MIGA1: variants seen among roughly 807,000 people sequenced by gnomAD.
The protein encoded by MIGA1 is mitoguardin 1, also known as family with sequence similarity 73, member A.
MIGA1 carries 58 observed loss-of-function variants against 82.0 expected under a neutral mutation model. That is an observed-to-expected ratio of 0.71 (90% CI 0.57 to 0.88). MIGA1 has a LOEUF of 0.88. MIGA1 is among the 40% of genes least tolerant of loss of function. MIGA1 has a pLI of 0.00. For synonymous variants in MIGA1, 249 were observed against 253.6 expected (o/e 0.98, Z 0.17); for missense variants, 751 against 749.1 (o/e 1.00, Z -0.03).
chr1:77,867,404 A>G (rs1009304412), intron 14 of MIGA1, among the ~76,000 whole-genome samples: 2 of 152,204 alleles, frequency 1.3e-5, no homozygotes, highest in Non-Finnish European at 2.9e-5. Flanking sequence ...AGCTCACTGC[A>G]GCCTCTATAA....
chr1:77,871,975 C>CT lies in MIGA1; in HGVS notation c.1564-1019dup, dbSNP rs143626379. On this transcript the variant is annotated intron_variant, in intron 14 of 15. Transcript: ENST00000370791. The stretch of plus-strand genomic sequence containing the variant: ...TCGTTGCAAAGCTAATATGATTGCC[C>CT]TTTTTTTTTTGAGACAGAGTCTTAC... 3.3e-3 allele frequency among the ~76,000 whole-genome samples: 486 copies of CT among 148,310 alleles called. 1 individual carries two copies. Among genetic ancestry groups the CT allele is most frequent in the Non-Finnish European group, 5.0e-3 (331 of 66,740 alleles).
chr1:77,858,886 C>T (rs1322828452), intron 8 of MIGA1, 52 bp from the exon 9 acceptor site: 1 of 1,005,412 alleles, frequency 9.9e-7, no homozygotes, highest in Non-Finnish European at 1.6e-6. Context: ...CAATTACAGG[C>T]ATGAGCCACT....
chr1:77,797,123 T>C (rs2101734196), intron 2 of MIGA1, among the ~76,000 whole-genome samples: 1 of 152,380 alleles, frequency 6.6e-6, no homozygotes, highest in Non-Finnish European at 1.5e-5. Flanking sequence ...TTTGTCTGAA[T>C]AGTTTGTCCT....
intron 3 of MIGA1, among the ~76,000 whole-genome samples, chr1:77,802,847 G>A (rs569993150): frequency 8.6e-5 from 13 of 152,000 alleles, no homozygotes; most frequent in African/African-American, 3.1e-4. Flanking sequence ...ATGAGTAGAA[G>A]AGGCAGAAGT....
chr1:77,843,585 A>C (rs1490339292), intron 8 of MIGA1, among the ~76,000 whole-genome samples, 178 bp downstream of exon 8: 1 of 152,108 alleles, frequency 6.6e-6, no homozygotes, highest in African/African-American at 2.4e-5. Context: ...AGGAGCTTAC[A>C]CTCTCTTTAA....
At chr1:77,788,246 G>T (rs770979641) in intron 2 of MIGA1, among the ~76,000 whole-genome samples, 1 of 151,940 alleles carries the variant, frequency 6.6e-6, no homozygotes. Flanking sequence ...CAAGTGATCC[G>T]CCTGCCTTGG....
At chr1:77,865,511 T>A (rs1352565195) in intron 13 of MIGA1, among the ~76,000 whole-genome samples, 2 of 152,172 alleles carry the variant, frequency 1.3e-5, no homozygotes, top group Non-Finnish European at 2.9e-5. Context: ...GAGGTTCACT[T>A]GAGCCTTGGA....
At position 77,815,187 on chromosome 1, in the gene MIGA1, C is replaced by A; in HGVS notation, c.851C>A (p.Ala284Asp). 6.2e-7 allele frequency: 1 copy of A among 1,610,312 alleles called. No individual in the cohort carries two copies. Among genetic ancestry groups the A allele is most frequent in the Non-Finnish European group, 8.5e-7 (1 of 1,177,640 alleles). The stretch of plus-strand genomic sequence containing the variant: ...TATCGTCTCCAAGAGGAGTTTGAAG[C>A]TACCCTTGGGGCATCTGATCCTAAT... Residue 284 changes from alanine to aspartate, a missense_variant, in exon 7 of 16, where the codon GCT (alanine) becomes GAT (aspartate). Ala to Asp is a moderately radical substitution (Grantham distance 126, BLOSUM62 -2). This residue lies in a region of MIGA1 where 482 missense variants were observed against 439.4 expected (regional missense o/e 1.10). Coordinates refer to ENST00000370791, the MANE Select transcript of MIGA1 (RefSeq NM_198549.4).
chr1:77,807,188 G>A, intron 5 of MIGA1, 87 bp downstream of exon 5: 1 of 1,037,994 alleles, frequency 9.6e-7, no homozygotes, highest in Non-Finnish European at 1.4e-6. Context: ...GACAGACAGG[G>A]TCTCACTCTG....
In MIGA1 at chr1:77,815,145, C is replaced by A. The variant is rs1683524733; in HGVS notation, c.809C>A (p.Ala270Asp). 1.9e-6 allele frequency: 3 copies of A among 1,602,412 alleles called. No homozygotes were observed. Among genetic ancestry groups the A allele is most frequent in the Non-Finnish European group, 2.6e-6 (3 of 1,172,596 alleles). The stretch of plus-strand genomic sequence containing the variant: ...ACTGAATTTATCCATAAACTCGAAG[C>A]TCTGCTGCAAAGAGCCTATCGTCTC... The change falls in exon 7 of 16, where the codon GCT becomes GAT. Residue 270 changes from alanine to aspartate, a missense_variant. Physicochemically the swap from Ala to Asp is moderately radical, Grantham distance 126. Coordinates refer to ENST00000370791, the MANE Select transcript of MIGA1 (RefSeq NM_198549.4).
rs566299844 is a variant in MIGA1 at position 77,786,251 on chromosome 1, G to C, written c.195+2900G>C. On this transcript the variant is annotated intron_variant, in intron 2 of 15. Transcript: ENST00000370791. ...GCTGCACACAGCACGGGGACACTGG[G>C]CCTGGCCCCTGAAACCACTTTTTCC... Among the ~76,000 whole-genome samples the C allele has an allele frequency of 2.5e-3, 387 of 152,350 alleles. 5 individuals carry two copies. Among genetic ancestry groups the C allele is most frequent in the Non-Finnish European group, 3.8e-3 (256 of 68,040 alleles).
At chr1:77,831,743 C>T (rs2101858098) in intron 7 of MIGA1, among the ~76,000 whole-genome samples, 1 of 152,262 alleles carries the variant, frequency 6.6e-6, no homozygotes, top group Admixed American at 6.5e-5. Context: ...ATTCTTTACG[C>T]ACTTTGGTTA....
At chr1:77,799,384 T>A (rs1168518235) in intron 2 of MIGA1, among the ~76,000 whole-genome samples, 1 of 152,232 alleles carries the variant, frequency 6.6e-6, no homozygotes, top group African/African-American at 2.4e-5. Context: ...ATGTTTAAGA[T>A]AGGCTAGTTT....
rs200367499 is a variant in MIGA1, at chr1:77,866,061, C to T, written c.1510-277C>T. Among the ~76,000 whole-genome samples the T allele has an allele frequency of 2.2e-4, 33 of 152,132 alleles. No homozygotes were observed. The East Asian group carries it at 5.4e-3, about 25-fold the overall frequency. On this transcript the variant is annotated intron_variant, in intron 13 of 15. Transcript: ENST00000370791. Reference sequence around the variant, plus strand: ...CCGAGTATCTGGGTCTACAGGCATGCGCCACCATGCCCAGCTAATTTTGTT... The same window carrying T: ...CCGAGTATCTGGGTCTACAGGCATGTGCCACCATGCCCAGCTAATTTTGTT...
intron 8 of MIGA1, among the ~76,000 whole-genome samples, chr1:77,851,423 T>C (rs1367929748): frequency 6.6e-6 from 1 of 152,178 alleles, no homozygotes; most frequent in Non-Finnish European, 1.5e-5. Flanking sequence ...AACTGCCTTA[T>C]TGACCGCTGC....
chr1:77,807,581 A>T (rs1683152005), intron 5 of MIGA1, among the ~76,000 whole-genome samples: 1 of 152,214 alleles, frequency 6.6e-6, no homozygotes, highest in African/African-American at 2.4e-5. Context: ...TTAAACTAAT[A>T]CAACAAAATT....
At chr1:77,841,866 A>T (rs1345139979) in intron 7 of MIGA1, among the ~76,000 whole-genome samples, 2 of 147,212 alleles carry the variant, frequency 1.4e-5, no homozygotes, top group African/African-American at 5.0e-5. Flanking sequence ...TGGTGCAGTC[A>T]TAGCTCACTG....
At chr1:77,858,346 A>G (rs1685341075) in intron 8 of MIGA1, among the ~76,000 whole-genome samples, 1 of 148,040 alleles carries the variant, frequency 6.8e-6, no homozygotes, top group Non-Finnish European at 1.5e-5. Context: ...CCCTGTCTCA[A>G]AAAAAAAAAA....
chr1:77,800,120 G>A (rs1378803229), intron 2 of MIGA1, among the ~76,000 whole-genome samples: 2 of 152,116 alleles, frequency 1.3e-5, no homozygotes, highest in African/African-American at 4.8e-5. Context: ...GCTGGTTCAT[G>A]CCCTCCACAG....
Sources: allele counts gnomAD v4.1 joint callset (sites outside exome capture counted in the v4.1 genomes callset), GRCh38; gene constraint gnomAD v4.1.1; regional missense constraint gnomAD v4.1.1; transcripts MANE v1.5; gene names NCBI Gene and HGNC (gene_info 2026-07-23, HGNC 2026-07-21).